Variants in ZNF416 observed in about 807,000 individuals in gnomAD.
ZNF416 encodes the protein zinc finger protein 416.
ZNF416 carries 5 observed loss-of-function variants against 10.9 expected under a neutral mutation model. The observed-to-expected ratio is 0.46, with a 90% CI of 0.24 to 0.97. ZNF416 has a LOEUF of 0.97. ZNF416 is among the 50% of genes least tolerant of loss of function. The pLI is 0.19. For missense variants in ZNF416, 675 were observed against 715.0 expected, an observed-to-expected ratio of 0.94 and a Z score of 0.64; for synonymous variants, 267 against 251.8, an observed-to-expected ratio of 1.06 and a Z score of -0.57.
At chr19:57,576,152 T>G (rs1978527834) in intron 2 of ZNF416, among the ~76,000 whole-genome samples, 1 of 152,170 alleles carries the variant, frequency 6.6e-6, no homozygotes, top group Non-Finnish European at 1.5e-5. Context: ...AATGCCATTT[T>G]AAACTCTGGG....
rs1382636377 is a variant in ZNF416 at position 57,573,193 on chromosome 19, A to C, written c.711T>G (p.Thr237=). The C allele has an allele frequency of 6.2e-7, 1 of 1,614,188 alleles. No individual in the cohort carries two copies. The highest frequency in any genetic ancestry group is 8.5e-7 in the Non-Finnish European group (1 of 1,180,014). ...TGCTAGATTCATAAAGCCTTTTTCCAGTGCAGACTCTAGGGTGAAAAAAAG... is the reference window on the plus strand; with the variant it reads ...TGCTAGATTCATAAAGCCTTTTTCCCGTGCAGACTCTAGGGTGAAAAAAAG... ...KHTFFHPRVC[T]GKRLYESSKC... is the part of the protein sequence containing the mutation. The change falls in exon 4 of 4, where the codon ACT becomes ACG. Residue 237 remains threonine (T), a synonymous_variant. Coordinates refer to ENST00000196489, the MANE Select transcript of ZNF416 (RefSeq NM_017879.3).
chr19:57,578,431 A>C, intron 1 of ZNF416: 2 of 544,778 alleles, frequency 3.7e-6, no homozygotes, highest in Non-Finnish European at 3.2e-6. Flanking sequence ...TCATTTTACC[A>C]TTCGGGCGTG....
intron 1 of ZNF416, chr19:57,578,323 G>C (rs1301754977): frequency 1.7e-6 from 1 of 597,764 alleles, no homozygotes; most frequent in African/African-American, 1.9e-5. Context: ...TTCCAACTCT[G>C]AGTAACTTTA....
Position 57,571,951 on chromosome 19 carries a change from A to G in ZNF416, c.*168T>C. ...GCAAAGGAGCTCCTGCAAGACACAT[A>G]TGCCTGGAACTAATGGGAGTCTGAC... On this transcript the variant is annotated 3_prime_UTR_variant, in exon 4 of 4. Coordinates refer to ENST00000196489, the MANE Select transcript of ZNF416 (RefSeq NM_017879.3). The G allele has an allele frequency of 1.1e-5, 9 of 802,342 alleles. No individual in the cohort carries two copies. The highest frequency in any genetic ancestry group is 1.8e-5 in the Non-Finnish European group (9 of 506,694). 49.7% of individuals were successfully genotyped at this position (802,342 alleles called of 1,614,324 possible). A position where few individuals can be genotyped will look rare whatever the true frequency, so the allele number is the denominator to read the frequency against.
chr19:57,577,630 T>C (rs1848994065), intron 2 of ZNF416, among the ~76,000 whole-genome samples: 1 of 152,174 alleles, frequency 6.6e-6, no homozygotes, highest in Non-Finnish European at 1.5e-5. Context: ...ACAGGGAACC[T>C]GATGAGACCT....
At position 57,572,013 on chromosome 19, in the gene ZNF416, G is replaced by C; in HGVS notation, c.*106C>G. On this transcript the variant is annotated 3_prime_UTR_variant, in exon 4 of 4. Coordinates refer to ENST00000196489, the MANE Select transcript of ZNF416 (RefSeq NM_017879.3). This position sits in a 1 kb window ranked among gnomAD's most constrained non-coding sequence, Gnocchi z 4.5. ...TCTAGAAGTATGAGGTTTAACTTTA[G>C]GCAGACGGCTCCTTCACAAAGGCTC... 2 of 1,439,182 alleles carry C rather than the reference G, an allele frequency of 1.4e-6. No individual in the cohort carries two copies. Among genetic ancestry groups the C allele is most frequent in the South Asian group, 2.8e-5 (2 of 72,590 alleles). The allele number at this position is 1,439,182 out of a possible 1,614,324, so 89.2% of individuals were successfully genotyped here. A position where few individuals can be genotyped will look rare whatever the true frequency, so the allele number is the denominator to read the frequency against.
intron 2 of ZNF416, among the ~76,000 whole-genome samples, chr19:57,577,746 C>T (rs1479818844): frequency 2.0e-5 from 3 of 152,188 alleles, no homozygotes; most frequent in Admixed American, 2.0e-4. Context: ...ATTCCTGCAT[C>T]CCAGCTTTCA....
At position 57,572,341 on chromosome 19, in the gene ZNF416, A is replaced by G. The variant is rs957007753; in HGVS notation, c.1563T>C (p.Pro521=). 1.2e-6 allele frequency: 2 copies of G among 1,614,092 alleles called. No individual in the cohort carries two copies. Among genetic ancestry groups the G allele is most frequent in the Non-Finnish European group, 8.5e-7 (1 of 1,180,046 alleles). The part of the protein sequence containing the change: ...EHQKIHTGLR[P]YDCGQCGKSF... ...ATTTCCCGCACTGTCCACAGTCGTAAGGCCTTAATCCAGTGTGAATTTTCT... is the reference window on the plus strand; with the variant it reads ...ATTTCCCGCACTGTCCACAGTCGTAGGGCCTTAATCCAGTGTGAATTTTCT... The change falls in exon 4 of 4, where the codon CCT becomes CCC. Residue 521 remains proline (P), a synonymous_variant. Coordinates refer to ENST00000196489, the MANE Select transcript of ZNF416 (RefSeq NM_017879.3). This position sits in a 1 kb window ranked among gnomAD's most constrained non-coding sequence, Gnocchi z 4.5.
In ZNF416 at chr19:57,572,147, G is replaced by A; in HGVS notation, c.1757C>T (p.Pro586Leu). 1.2e-6 allele frequency: 2 copies of A among 1,613,262 alleles called. No homozygotes were observed. The highest frequency in any genetic ancestry group is 1.7e-6 in the Non-Finnish European group (2 of 1,179,260). ...AACAATGTTAGATCTTGGGCTGTAG[G>A]GTTTTCCACATTTGCTGCTGTCACG... ...RPRDSSKCGK[P>L]YSPRSNIV The change falls in exon 4 of 4, where the codon CCC becomes CTC. Residue 586 changes from proline to leucine, a missense_variant. By Grantham distance (98) the Pro-to-Leu change is moderately conservative. Coordinates refer to ENST00000196489, the MANE Select transcript of ZNF416 (RefSeq NM_017879.3). The surrounding 1 kb of genome is among the most constrained non-coding windows in gnomAD (Gnocchi z 4.5).
At chr19:57,574,415 T>A (rs569360108) in intron 3 of ZNF416, among the ~76,000 whole-genome samples, 2 of 152,352 alleles carry the variant, frequency 1.3e-5, no homozygotes, top group South Asian at 4.1e-4. Context: ...CACTTCCTCA[T>A]GTGGCCCTGC....
intron 1 of ZNF416, 126 bp from the exon 2 acceptor site, chr19:57,578,224 C>T: frequency 6.5e-6 from 6 of 916,378 alleles, no homozygotes; most frequent in Non-Finnish European, 8.8e-6. Flanking sequence ...TATTATTGCT[C>T]CTCAGTTCCG....
intron 3 of ZNF416, 44 bp from the exon 4 acceptor site, chr19:57,573,745 G>T: frequency 6.3e-7 from 1 of 1,578,012 alleles, no homozygotes; most frequent in South Asian, 1.2e-5. Context: ...TGACTATGAT[G>T]GGAGTGTATT....
Position 57,571,786 on chromosome 19 carries a change from A to C in ZNF416, c.*333T>G. 2.6e-5 allele frequency: 6 copies of C among 234,816 alleles called. No homozygotes were observed. The highest frequency in any genetic ancestry group is 1.7e-4 in the East Asian group (2 of 12,022). 14.5% of individuals were successfully genotyped at this position (234,816 alleles called of 1,614,324 possible). A position where few individuals can be genotyped will look rare whatever the true frequency, so the allele number is the denominator to read the frequency against. ...ATGCTGTAATCAGTCAGAAAAGGGA[A>C]GGAATTCCCCTTAAAGGCTCAGACT... On this transcript the variant is annotated 3_prime_UTR_variant, in exon 4 of 4. Coordinates refer to ENST00000196489, the MANE Select transcript of ZNF416 (RefSeq NM_017879.3).
In ZNF416 at chr19:57,574,868, A is replaced by G. The variant is rs903280713; in HGVS notation, c.202+936T>C. 3.9e-5 allele frequency among the ~76,000 whole-genome samples: 6 copies of G among 152,292 alleles called. 1 individual carries two copies. Among genetic ancestry groups the G allele is most frequent in the Admixed American group, 3.9e-4 (6 of 15,296 alleles). ...CAATTGGAAGTGAGTGGGAGATTCC[A>G]ATTGCGATCTTGTGTTCAAGAAATA... is the stretch of plus-strand genomic sequence containing the variant. On this transcript the variant is annotated intron_variant, in intron 3 of 3. Transcript: ENST00000196489.
Position 57,572,926 on chromosome 19 carries a change from G to GT in ZNF416, c.977dup (p.Tyr326Ter). The GT allele has an allele frequency of 1.2e-6, 2 of 1,612,100 alleles. No individual in the cohort carries two copies. The highest frequency in any genetic ancestry group is 1.7e-6 in the Non-Finnish European group (2 of 1,179,466). The change falls in exon 4 of 4, where the codon TAC (tyrosine) becomes TAAC (stop). Residue 326 changes from tyrosine to a stop codon, truncating the protein, a stop_gained and frameshift_variant. Coordinates refer to ENST00000196489, the MANE Select transcript of ZNF416 (RefSeq NM_017879.3). LOFTEE classifies it low-confidence loss of function (END_TRUNC). This position sits in a 1 kb window ranked among gnomAD's most constrained non-coding sequence, Gnocchi z 4.5. ...HHRVHTGERP[Y>*]ECGECGKSFS... ...AAGATTTCCCACATTCACCACACTC[G>GT]TAAGGCCTTTCTCCAGTGTGAACTC... is the stretch of plus-strand genomic sequence containing the variant.
chr19:57,578,540 GC>G, intron 1 of ZNF416, 131 bp downstream of exon 1: 1 of 1,027,698 alleles, frequency 9.7e-7, no homozygotes. Flanking sequence ...GTAAATGGGA[GC>G]CCCACCCGCG....
chr19:57,575,843 C>T lies in ZNF416; in HGVS notation c.163G>A (p.Asp55Asn), dbSNP rs570790847. The change falls in exon 3 of 4, where the codon GAT becomes AAT. Residue 55 changes from aspartate to asparagine, a missense_variant. Asp to Asn is a conservative substitution (Grantham distance 23). Transcript: ENST00000196489. The surrounding 1 kb of genome is among the most constrained non-coding windows in gnomAD (Gnocchi z 4.4). ...LDEAQRLLYRDVMLENFALIT... is the reference protein window; with the variant it reads ...LDEAQRLLYRNVMLENFALIT... Reference sequence around the variant, plus strand: ...AGTGCAAAGTTCTCCAGCATCACATCGCGGTACAGGAGCCTCTGAGCCTCA... The same window carrying T: ...AGTGCAAAGTTCTCCAGCATCACATTGCGGTACAGGAGCCTCTGAGCCTCA... 3.5e-5 allele frequency: 56 copies of T among 1,614,110 alleles called. No individual in the cohort carries two copies. The highest frequency in any genetic ancestry group is 1.5e-4 in the Admixed American group (9 of 60,020).
rs767721772 is a variant in ZNF416 at position 57,573,685 on chromosome 19, C to T, written c.219G>A (p.Met73Ile). 1.9e-6 allele frequency: 3 copies of T among 1,609,264 alleles called. No homozygotes were observed. In the African/African-American group the frequency reaches 4.0e-5, roughly 21 times the overall value. Residue 73 changes from methionine (M) to isoleucine (I), a missense_variant, in exon 4 of 4, where the codon ATG becomes ATA. Physicochemically the swap from Met to Ile is conservative, Grantham distance 10 (BLOSUM62 1). Transcript: ENST00000196489. ...TTTGCTCAGGTGTCTCTTCATCCTC[C>T]ATCCCATGCCAACAAACTGAAAGCA... ...LITALVCWHG[M>I]EDEETPEQSV...
rs2090197866 is a variant in ZNF416 at position 57,572,317 on chromosome 19, T to C, written c.1587A>G (p.Lys529=). 4 of 1,614,194 alleles carry C rather than the reference T, an allele frequency of 2.5e-6. No homozygotes were observed. The highest frequency in any genetic ancestry group is 3.4e-6 in the Non-Finnish European group (4 of 1,180,044). ...TGAGGCTAGACTTTTGGATAAAGGA[T>C]TTCCCGCACTGTCCACAGTCGTAAG... is the stretch of plus-strand genomic sequence containing the variant. The part of the protein sequence containing the change: ...LRPYDCGQCG[K]SFIQKSSLIQ... The change falls in exon 4 of 4, where the codon AAA becomes AAG. Residue 529 remains lysine, a synonymous_variant. Transcript: ENST00000196489. The surrounding 1 kb of genome is among the most constrained non-coding windows in gnomAD (Gnocchi z 4.5).
Sources: gnomAD v4.1 joint callset for allele counts (sites outside exome capture counted in the v4.1 genomes callset) on GRCh38, gnomAD v4.1.1 for gene constraint, Gnocchi (gnomAD v3.1) non-coding constraint, MANE v1.5 for transcripts, NCBI Gene and HGNC (gene_info 2026-07-23, HGNC 2026-07-21) for gene names.